Variants in LMBR1 observed in about 807,000 individuals in gnomAD.
LMBR1 encodes limb region 1 protein homolog.
A neutral mutation model predicts 73.9 loss-of-function variants in LMBR1; 52 were observed. The ratio of observed to expected loss-of-function variants is 0.70; its 90% confidence interval spans 0.56 to 0.89. The LOEUF is 0.89. Among genes scored for constraint, LMBR1 ranks in the 40% least tolerant of loss-of-function variants. LMBR1 has a pLI of 0.00. For missense variants in LMBR1, 539 were observed against 579.8 expected (o/e 0.93, Z 0.72); for synonymous variants, 215 against 209.4 (o/e 1.03, Z -0.23).
At chr7:156,730,459 C>T (rs1427848442) in intron 10 of LMBR1, among the ~76,000 whole-genome samples, 4 of 152,130 alleles carry the variant, frequency 2.6e-5, no homozygotes, top group Admixed American at 6.5e-5. Context: ...GGAAATGGAC[C>T]GGTCGTCATA....
chr7:156,695,356 A>G (rs954706432), intron 15 of LMBR1, among the ~76,000 whole-genome samples: 4 of 152,210 alleles, frequency 2.6e-5, no homozygotes, highest in Non-Finnish European at 5.9e-5. Context: ...CTATAAAGAA[A>G]TACTTCAGAC....
At chr7:156,760,386 C>T (rs755498808) in intron 8 of LMBR1, among the ~76,000 whole-genome samples, 10 of 152,244 alleles carry the variant, frequency 6.6e-5, no homozygotes, top group Non-Finnish European at 1.2e-4. Context: ...TTAAAATGTA[C>T]TGGAATTTGT....
At chr7:156,785,056 A>G (rs536547591) in intron 5 of LMBR1, among the ~76,000 whole-genome samples, 20 of 152,342 alleles carry the variant, frequency 1.3e-4, no homozygotes, top group African/African-American at 3.8e-4. Context: ...ATAAGTACAC[A>G]CTAATTACAG....
intron 4 of LMBR1, among the ~76,000 whole-genome samples, chr7:156,812,220 T>C (rs1033268955): frequency 6.6e-6 from 1 of 152,020 alleles, no homozygotes; most frequent in African/African-American, 2.4e-5. Flanking sequence ...GTAATTAAGG[T>C]TATGGACCTT....
At chr7:156,687,759 T>TA (rs1273047973) in intron 16 of LMBR1, among the ~76,000 whole-genome samples, 1 of 152,214 alleles carries the variant, frequency 6.6e-6, no homozygotes, top group Non-Finnish European at 1.5e-5. Context: ...ACTGAGTTCT[T>TA]AGGATGTGCC....
At chr7:156,700,872 A>T (rs1809526911) in intron 15 of LMBR1, among the ~76,000 whole-genome samples, 2 of 152,154 alleles carry the variant, frequency 1.3e-5, no homozygotes, top group Admixed American at 6.5e-5. Context: ...CACACCCAAG[A>T]CTGGGAAGAA....
chr7:156,694,572 G>C (rs988235169), intron 15 of LMBR1, among the ~76,000 whole-genome samples: 11 of 152,196 alleles, frequency 7.2e-5, no homozygotes, highest in African/African-American at 2.4e-4. Context: ...GTCCTAGCCA[G>C]AGCAATCAAG....
intron 1 of LMBR1, among the ~76,000 whole-genome samples, chr7:156,865,033 C>T (rs888173495): frequency 3.3e-5 from 5 of 150,486 alleles, no homozygotes; most frequent in African/African-American, 4.9e-5. Flanking sequence ...TTCAGCCAGG[C>T]GCAGTGGCTC....
chr7:156,798,800 GA>G (rs1830458853), intron 4 of LMBR1, among the ~76,000 whole-genome samples: 2 of 152,082 alleles, frequency 1.3e-5, no homozygotes, highest in Non-Finnish European at 2.9e-5. Flanking sequence ...TTTGTGTTAT[GA>G]AAGATAAAGG....
intron 1 of LMBR1, 82 bp downstream of exon 1, chr7:156,892,846 C>CGGGGGCCCG (rs766816636): frequency 2.9e-5 from 20 of 685,878 alleles, no homozygotes; most frequent in South Asian, 1.5e-4. Flanking sequence ...GTGAGGGGTC[C>CGGGGGCCCG]GGGGACCGGG....
chr7:156,872,698 T>C (rs1360518834), intron 1 of LMBR1, among the ~76,000 whole-genome samples: 1 of 150,120 alleles, frequency 6.7e-6, no homozygotes, highest in African/African-American at 2.4e-5. Flanking sequence ...GTGAAAGACC[T>C]GTATCCTGAA....
chr7:156,840,964 CAAAAAAA>C (rs57968006), intron 1 of LMBR1, among the ~76,000 whole-genome samples: 9 of 71,436 alleles, frequency 1.3e-4, no homozygotes, highest in Non-Finnish European at 2.5e-4. Context: ...GACTCGGTCT[CAAAAAAA>C]AAAAAAAAAA....
chr7:156,764,620 CCAA>C (rs1823747097), intron 5 of LMBR1, among the ~76,000 whole-genome samples: 1 of 152,168 alleles, frequency 6.6e-6, no homozygotes, highest in South Asian at 2.1e-4. Context: ...TCTAACACAA[CCAA>C]CAAAATTATA....
chr7:156,723,117 A>AT (rs1394354760), intron 15 of LMBR1, among the ~76,000 whole-genome samples: 4 of 150,880 alleles, frequency 2.7e-5, no homozygotes, highest in African/African-American at 4.9e-5. Flanking sequence ...CCAGTTTTTT[A>AT]TTAGCTTATG....
At chr7:156,674,235 C>T (rs760747969), downstream of LMBR1, among the ~76,000 whole-genome samples, 7 of 152,202 alleles carry the variant, frequency 4.6e-5, no homozygotes, top group African/African-American at 7.2e-5. Context: ...CGGGAACTGT[C>T]TCCCTCTGCC....
chr7:156,828,895 T>C (rs766487338), intron 3 of LMBR1, among the ~76,000 whole-genome samples: 2 of 152,220 alleles, frequency 1.3e-5, no homozygotes, highest in Non-Finnish European at 2.9e-5. Flanking sequence ...CCTTTTTCCT[T>C]TTTGCCTTTG....
At chr7:156,805,481 G>C (rs571951797) in intron 4 of LMBR1, among the ~76,000 whole-genome samples, 2 of 152,110 alleles carry the variant, frequency 1.3e-5, no homozygotes, top group Non-Finnish European at 2.9e-5. Context: ...CTCCCAAAGC[G>C]CTGGGATTAC....
chr7:156,703,258 C>A (rs1485488120), intron 15 of LMBR1, among the ~76,000 whole-genome samples: 1 of 152,156 alleles, frequency 6.6e-6, no homozygotes, highest in Non-Finnish European at 1.5e-5. Context: ...GTTAGGGGGA[C>A]TTGGGCTGGG....
chr7:156,746,890 T>C lies in LMBR1; in HGVS notation c.757+9503A>G, dbSNP rs565370155. Among the ~76,000 whole-genome samples the C allele has an allele frequency of 2.6e-3, 389 of 152,312 alleles. 1 individual carries two copies. The highest frequency in any genetic ancestry group is 4.5e-3 in the Non-Finnish European group (308 of 67,996). On this transcript the variant is annotated intron_variant, in intron 9 of 16. Coordinates refer to ENST00000353442, the MANE Select transcript of LMBR1 (RefSeq NM_022458.4). Reference sequence around the variant, plus strand: ...CCGAGGAACTGCATTATCATTACTTTATTTCCAAATGAATCTAAAATGTCC... The same window carrying C: ...CCGAGGAACTGCATTATCATTACTTCATTTCCAAATGAATCTAAAATGTCC...
Sources: allele counts gnomAD v4.1 joint callset (sites outside exome capture counted in the v4.1 genomes callset), GRCh38; gene constraint gnomAD v4.1.1; transcripts MANE v1.5; gene names NCBI Gene and HGNC (gene_info 2026-07-23, HGNC 2026-07-21).